PALM2AKAP2: variants seen among roughly 807,000 people sequenced by gnomAD.
The protein encoded by PALM2AKAP2 is PALM2 and AKAP2 fusion.
PALM2AKAP2 carries 37 observed loss-of-function variants against 71.5 expected under a neutral mutation model. The ratio of observed to expected loss-of-function variants is 0.52; its 90% CI spans 0.40 to 0.68. The LOEUF is 0.68. PALM2AKAP2 is among the 30% of genes least tolerant of loss of function. The probability of loss-of-function intolerance (pLI) is 0.00; values close to 1 mark genes in which losing one functional copy is unlikely to be tolerated. For missense variants in PALM2AKAP2, 1,224 were observed against 1,191.8 expected (o/e 1.03, Z -0.40); for synonymous variants, 468 against 478.8 (o/e 0.98, Z 0.29).
intron 7 of PALM2AKAP2, among the ~76,000 whole-genome samples, chr9:110,032,619 A>T (rs184171430): frequency 1.3e-5 from 2 of 152,058 alleles, no homozygotes; most frequent in Admixed American, 1.3e-4. Context: ...TGACCCCAGG[A>T]GGAGGCGGCT....
intron 7 of PALM2AKAP2, among the ~76,000 whole-genome samples, chr9:110,023,376 G>A (rs187568749): frequency 6.3e-5 from 8 of 127,938 alleles, no homozygotes; most frequent in Admixed American, 9.9e-5. Flanking sequence ...GTGCAATGAC[G>A]CCATCTCAGC....
At chr9:109,922,281 G>T (rs1327994462) in intron 3 of PALM2AKAP2, among the ~76,000 whole-genome samples, 1 of 151,650 alleles carries the variant, frequency 6.6e-6, no homozygotes, top group African/African-American at 2.4e-5. Flanking sequence ...AATTAGCTGG[G>T]CATGGTGGTG....
chr9:109,758,213 C>A (rs193072808), intron 1 of PALM2AKAP2, among the ~76,000 whole-genome samples: 4 of 152,198 alleles, frequency 2.6e-5, no homozygotes, highest in African/African-American at 9.6e-5. Context: ...TCCATCCTGT[C>A]TTAAAGAGAA....
intron 1 of PALM2AKAP2, among the ~76,000 whole-genome samples, chr9:109,697,498 T>C (rs1827989071): frequency 6.6e-6 from 1 of 152,202 alleles, no homozygotes; most frequent in African/African-American, 2.4e-5. Context: ...TGTTATATTA[T>C]TTCAACAGTG....
intron 6 of PALM2AKAP2, among the ~76,000 whole-genome samples, chr9:110,007,734 G>A (rs140343485): frequency 2.0e-5 from 3 of 152,128 alleles, no homozygotes; most frequent in Non-Finnish European, 2.9e-5. Context: ...ATCAACTCAC[G>A]AAAGGCTAAT....
chr9:109,937,689 A>G (rs1016408322), intron 6 of PALM2AKAP2, among the ~76,000 whole-genome samples: 2 of 152,186 alleles, frequency 1.3e-5, no homozygotes, highest in Non-Finnish European at 2.9e-5. Flanking sequence ...ATACTTCCAG[A>G]TTTCAGCCAG....
intron 1 of PALM2AKAP2, among the ~76,000 whole-genome samples, chr9:109,765,989 T>C (rs1261794724): frequency 1.3e-5 from 2 of 152,224 alleles, no homozygotes; most frequent in Admixed American, 6.5e-5. Context: ...GAGTGTCACA[T>C]GCCTGCCTTC....
In PALM2AKAP2 at chr9:109,925,092, C is replaced by G. The variant is rs370200444; in HGVS notation, c.394+10C>G. On this transcript the variant is annotated intron_variant, in intron 5 of 9. Transcript: ENST00000302798. ...TCCAGTACGGATGGAGGTAAGTGCT[C>G]TCTGCCCCGACTGTAGATGAATGTT... The G allele has an allele frequency of 6.3e-5, 102 of 1,614,006 alleles. No homozygotes were observed. Among genetic ancestry groups the G allele is most frequent in the Non-Finnish European group, 8.6e-5 (101 of 1,180,006 alleles).
At chr9:110,056,527 T>C (rs944343878) in intron 1 of PALM2AKAP2, among the ~76,000 whole-genome samples, 1 of 152,242 alleles carries the variant, frequency 6.6e-6, no homozygotes, top group East Asian at 1.9e-4. Context: ...GGAGTCCATG[T>C]GCCATGTGCT....
chr9:109,692,664 A>G (rs902899349), intron 1 of PALM2AKAP2, among the ~76,000 whole-genome samples: 2 of 151,982 alleles, frequency 1.3e-5, no homozygotes, highest in Non-Finnish European at 2.9e-5. Flanking sequence ...ATTTTGTCAA[A>G]TGGTTTTTCT....
At chr9:110,013,546 A>G (rs1235247074) in intron 6 of PALM2AKAP2, among the ~76,000 whole-genome samples, 2 of 152,252 alleles carry the variant, frequency 1.3e-5, no homozygotes, top group Non-Finnish European at 2.9e-5. Flanking sequence ...GATAAAGCTG[A>G]CAATCTCCTT....
At position 109,894,021 on chromosome 9, in the gene PALM2AKAP2, AT is replaced by A. The variant is rs781432327; in HGVS notation, c.257+13343del. ...TCACTTTTCTGCTTTCCAGTTGCTT[AT>A]TTAAAAAAAAAAAAAAAAAAAAAGA... is the stretch of plus-strand genomic sequence containing the variant. On this transcript the variant is annotated intron_variant, in intron 3 of 9. Coordinates refer to the PALM2AKAP2 transcript ENST00000302798. 3.4e-3 allele frequency among the ~76,000 whole-genome samples: 376 copies of A among 109,586 alleles called. 3 individuals carry two copies. The highest frequency in any genetic ancestry group is 4.5e-3 in the Non-Finnish European group (227 of 50,884). The allele number at this position is 109,586 out of a possible 152,430, so 71.9% of individuals were successfully genotyped here. A position where few individuals can be genotyped will look rare whatever the true frequency, so the allele number is the denominator to read the frequency against.
chr9:110,114,864 C>T (rs1835330040), intron 1 of PALM2AKAP2, among the ~76,000 whole-genome samples: 1 of 152,182 alleles, frequency 6.6e-6, no homozygotes, highest in Non-Finnish European at 1.5e-5. Flanking sequence ...CGGCTGTGCT[C>T]CTGGGATTCC....
At chr9:109,986,675 A>G (rs1363241972) in intron 6 of PALM2AKAP2, among the ~76,000 whole-genome samples, 1 of 152,190 alleles carries the variant, frequency 6.6e-6, no homozygotes, top group African/African-American at 2.4e-5. Context: ...ATTCTCTTGT[A>G]TTATTTTCTC....
At chr9:109,792,589 G>A (rs756257228) in intron 1 of PALM2AKAP2, among the ~76,000 whole-genome samples, 1 of 151,998 alleles carries the variant, frequency 6.6e-6, no homozygotes, top group Non-Finnish European at 1.5e-5. Context: ...CATTCTGCTT[G>A]GGGCTACCTT....
chr9:109,810,867 A>T (rs888275300), intron 1 of PALM2AKAP2, among the ~76,000 whole-genome samples: 2 of 152,152 alleles, frequency 1.3e-5, no homozygotes, highest in Admixed American at 1.3e-4. Context: ...TGCAGGAGTG[A>T]TAGCAGAGCC....
At chr9:110,038,525 C>T (rs996150933) in intron 7 of PALM2AKAP2, among the ~76,000 whole-genome samples, 3 of 152,000 alleles carry the variant, frequency 2.0e-5, no homozygotes, top group Admixed American at 6.6e-5. Flanking sequence ...TTGGCAACCT[C>T]AAGGTCACTG....
intron 1 of PALM2AKAP2, among the ~76,000 whole-genome samples, chr9:109,725,983 G>T (rs1315694406): frequency 2.0e-5 from 3 of 152,124 alleles, no homozygotes; most frequent in Non-Finnish European, 2.9e-5. Context: ...TGCCTCATAT[G>T]CCTGCATTTA....
chr9:109,958,335 T>G (rs940711231), intron 6 of PALM2AKAP2, among the ~76,000 whole-genome samples: 8 of 152,180 alleles, frequency 5.3e-5, no homozygotes, highest in Non-Finnish European at 1.2e-4. Context: ...TCTAAGATCT[T>G]GGGTCTATTT....
Sources: gnomAD v4.1 joint callset for allele counts (sites outside exome capture counted in the v4.1 genomes callset) on GRCh38, gnomAD v4.1.1 for gene constraint, MANE v1.5 for transcripts, NCBI Gene and HGNC (gene_info 2026-07-23, HGNC 2026-07-21) for gene names.